UNC80: variants seen among roughly 807,000 people sequenced by gnomAD.
The protein encoded by UNC80 is protein unc-80 homolog.
UNC80 carries 164 observed loss-of-function variants against 384.6 expected under a neutral mutation model. The observed-to-expected ratio is 0.43, with a 90% CI of 0.38 to 0.49. The LOEUF (loss-of-function observed/expected upper bound fraction) is 0.49, where lower values mean the gene tolerates loss of function less well. UNC80 is among the 20% of genes least tolerant of loss of function. The pLI, the probability that UNC80 is intolerant of heterozygous loss-of-function variation, is 0.00. For missense variants in UNC80, 3,330 were observed against 4,143.0 expected, an observed-to-expected ratio of 0.80 and a Z score of 5.39; for synonymous variants, 1,486 against 1,527.8, an observed-to-expected ratio of 0.97 and a Z score of 0.64.
chr2:209,963,253 A>C (rs1029105031), intron 51 of UNC80, among the ~76,000 whole-genome samples: 2 of 151,786 alleles, frequency 1.3e-5, no homozygotes, highest in Admixed American at 6.6e-5. Flanking sequence ...TGTGGTCTCT[A>C]TCTCTCTCAT....
At chr2:209,971,927 G>A (rs1261281973) in intron 54 of UNC80, among the ~76,000 whole-genome samples, 1 of 152,200 alleles carries the variant, frequency 6.6e-6, no homozygotes, top group Admixed American at 6.5e-5. Context: ...ATGGGGACAT[G>A]AAGTTGTTTT....
intron 15 of UNC80, among the ~76,000 whole-genome samples, chr2:209,830,360 A>T (rs2080866129): frequency 6.6e-6 from 1 of 152,198 alleles, no homozygotes; most frequent in South Asian, 2.1e-4. Context: ...ATAAATTAGG[A>T]TGGCAGTTGA....
Position 209,813,825 on chromosome 2 carries a change from A to AC in UNC80, c.1185dup (p.Thr396HisfsTer12). The AC allele has an allele frequency of 6.4e-7, 1 of 1,551,996 alleles. No individual in the cohort carries two copies. Among genetic ancestry groups the AC allele is most frequent in the African/African-American group, 1.4e-5 (1 of 73,136 alleles). On this transcript the variant is annotated frameshift_variant, in exon 8 of 65. Transcript: ENST00000673920. LOFTEE classifies it high-confidence loss of function. ...GTGGCAGCAGCTCCCTCACTAGTGA[A>AC]CACCCACAAAACCCAAGTAAGAAAA...
intron 22 of UNC80, among the ~76,000 whole-genome samples, chr2:209,854,096 A>C (rs995000590): frequency 1.3e-5 from 2 of 152,134 alleles, no homozygotes; most frequent in Non-Finnish European, 2.9e-5. Context: ...GGCTTATTGC[A>C]TCAAATATAA....
Position 209,993,410 on chromosome 2 carries a change from T to C in UNC80, c.9492T>C (p.Pro3164=), listed in dbSNP as rs1377271524. The C allele has an allele frequency of 3.2e-6, 5 of 1,551,588 alleles. No individual in the cohort carries two copies. The highest frequency in any genetic ancestry group is 4.4e-6 in the Non-Finnish European group (5 of 1,146,916). Residue 3164 remains proline, a synonymous_variant, in exon 63 of 65, where the codon CCT becomes CCC. Coordinates refer to ENST00000673920, the MANE Select transcript of UNC80 (RefSeq NM_001371986.1). The stretch of plus-strand genomic sequence containing the variant: ...CAACCACTCGCAGGAGCATTCAACC[T>C]AAAACGAAGCCGTCTGGTGAGGCCT... ...RLSTTRRSIQ[P]KTKPSADQKR... is the part of the protein sequence containing the mutation.
intron 28 of UNC80, among the ~76,000 whole-genome samples, chr2:209,903,831 C>G (rs1382703045): frequency 6.6e-6 from 1 of 151,540 alleles, no homozygotes; most frequent in Non-Finnish European, 1.5e-5. Flanking sequence ...GGATCTCCCA[C>G]ATGGCTGCAA....
At chr2:209,829,179 C>A in intron 14 of UNC80, 53 bp from the exon 15 acceptor site, 1 of 1,543,274 alleles carries the variant, frequency 6.5e-7, no homozygotes, top group Non-Finnish European at 8.8e-7. Flanking sequence ...CTACCAGTAT[C>A]CATAGCTTAA....
intron 49 of UNC80, among the ~76,000 whole-genome samples, chr2:209,958,898 C>T (rs1047569650): frequency 1.3e-5 from 2 of 152,116 alleles, no homozygotes; most frequent in Admixed American, 6.5e-5. Flanking sequence ...ACCCAAATCA[C>T]GCAACAATAA....
rs1261044429 is a variant in UNC80 at position 209,945,051 on chromosome 2, G to T, written c.7051G>T (p.Asp2351Tyr). ...AACAAAAATTGTTTTTCTTTATCAG[G>T]ATGCTGCCAATAATGGGCCCAGCAA... ...ASVAPLLEFPDAANNGPSKGV... is the reference protein window; with the variant it reads ...ASVAPLLEFPYAANNGPSKGV... Residue 2351 changes from aspartate to tyrosine, a missense_variant and splice_region_variant, in exon 46 of 65, where the codon GAT becomes TAT. Physicochemically the swap from Asp to Tyr is radical, Grantham distance 160. Coordinates refer to ENST00000673920, the MANE Select transcript of UNC80 (RefSeq NM_001371986.1). The T allele has an allele frequency of 6.4e-7, 1 of 1,550,738 alleles. No individual in the cohort carries two copies. The highest frequency in any genetic ancestry group is 8.7e-7 in the Non-Finnish European group (1 of 1,146,566).
chr2:209,978,413 C>T (rs1213483152), intron 58 of UNC80, 116 bp from the exon 59 acceptor site: 1 of 880,116 alleles, frequency 1.1e-6, no homozygotes, highest in Non-Finnish European at 1.6e-6. Flanking sequence ...GATCATTTGT[C>T]TGGGACACAT....
chr2:209,947,156 C>T (rs960694923), intron 47 of UNC80, among the ~76,000 whole-genome samples: 5 of 152,114 alleles, frequency 3.3e-5, no homozygotes, highest in Admixed American at 2.6e-4. Context: ...CACTGATCTA[C>T]AAAAAGTTCC....
chr2:209,893,368 T>C (rs1167994250), intron 26 of UNC80, among the ~76,000 whole-genome samples: 1 of 152,186 alleles, frequency 6.6e-6, no homozygotes, highest in Non-Finnish European at 1.5e-5. Context: ...CTATGGAAAA[T>C]AAGGATGCTG....
chr2:209,824,593 C>T (rs1424586643), intron 13 of UNC80, among the ~76,000 whole-genome samples: 1 of 152,046 alleles, frequency 6.6e-6, no homozygotes, highest in Non-Finnish European at 1.5e-5. Flanking sequence ...TAGCTGTGGC[C>T]TTCAGAGGCA....
Position 209,929,870 on chromosome 2 carries a change from G to A in UNC80, c.5807-1G>A. Reference sequence around the variant, plus strand: ...TGTTCAACTTTCTTTCTCTTCTGAAGTGAGTGCTGTGGCTCAACAAGTCTT... The same window carrying A: ...TGTTCAACTTTCTTTCTCTTCTGAAATGAGTGCTGTGGCTCAACAAGTCTT... On this transcript the variant is annotated splice_acceptor_variant, in intron 36 of 64. Transcript: ENST00000673920. LOFTEE classifies it high-confidence loss of function. The A allele has an allele frequency of 6.6e-7, 1 of 1,521,814 alleles. No homozygotes were observed. Among genetic ancestry groups the A allele is most frequent in the Non-Finnish European group, 8.8e-7 (1 of 1,135,266 alleles). The allele number at this position is 1,521,814 out of a possible 1,614,324, so 94.3% of individuals were successfully genotyped here. A position where few individuals can be genotyped will look rare whatever the true frequency, so the allele number is the denominator to read the frequency against.
intron 6 of UNC80, among the ~76,000 whole-genome samples, chr2:209,790,281 G>A (rs1301806737): frequency 2.0e-5 from 3 of 152,106 alleles, no homozygotes; most frequent in Non-Finnish European, 4.4e-5. Flanking sequence ...AATTCAACAC[G>A]TGCAAAGTGA....
In UNC80 at chr2:209,789,506, C is replaced by G. The variant is rs150913307; in HGVS notation, c.725-26C>G. The stretch of plus-strand genomic sequence containing the variant: ...AAAAAGAACTTAAAACCTTACAAAA[C>G]GATGGAACTTCTTCCGTCTTTTCAG... On this transcript the variant is annotated intron_variant, in intron 5 of 64. Coordinates refer to ENST00000673920, the MANE Select transcript of UNC80 (RefSeq NM_001371986.1). The G allele has an allele frequency of 6.0e-4, 929 of 1,559,016 alleles. 16 individuals carry two copies. The East Asian group carries it at 0.021, about 34-fold the overall frequency.
rs1393749563 is a variant in UNC80, at chr2:209,849,533, A to G, written c.3537A>G (p.Arg1179=). The G allele has an allele frequency of 2.6e-6, 4 of 1,551,050 alleles. No individual in the cohort carries two copies. Among genetic ancestry groups the G allele is most frequent in the Middle Eastern group, 1.7e-4 (1 of 5,988 alleles). Reference sequence around the variant, plus strand: ...ACGTGGTGAATCTTGGAGCAATCCGACAAGGCATGAAACGCTTCCAATTTC... The same window carrying G: ...ACGTGGTGAATCTTGGAGCAATCCGGCAAGGCATGAAACGCTTCCAATTTC... ...SKNVVNLGAI[R]QGMKRFQFLL... The change falls in exon 22 of 65, where the codon CGA becomes CGG. Residue 1179 remains arginine (R), a synonymous_variant. Transcript: ENST00000673920.
intron 40 of UNC80, 138 bp downstream of exon 40, chr2:209,935,946 C>T (rs1274221263): frequency 5.3e-6 from 3 of 564,960 alleles, no homozygotes; most frequent in Non-Finnish European, 9.3e-6. Flanking sequence ...AAAATCTGCC[C>T]CACTATTATT....
At chr2:209,851,358 C>T (rs561752561) in intron 22 of UNC80, among the ~76,000 whole-genome samples, 3 of 152,148 alleles carry the variant, frequency 2.0e-5, no homozygotes, top group Admixed American at 2.0e-4. Context: ...GAGTGGAGCA[C>T]TCCTCAGCTC....
Sources: allele counts gnomAD v4.1 joint callset (sites outside exome capture counted in the v4.1 genomes callset), GRCh38; gene constraint gnomAD v4.1.1; transcripts MANE v1.5; gene names NCBI Gene and HGNC (gene_info 2026-07-23, HGNC 2026-07-21).